ZC3H12B: variants seen among roughly 807,000 people sequenced by gnomAD.
ZC3H12B encodes the protein probable ribonuclease ZC3H12B.
ZC3H12B carries 7 observed loss-of-function variants against 43.9 expected under a neutral mutation model. That is an observed-to-expected ratio of 0.16 (90% CI 0.09 to 0.30). ZC3H12B has a LOEUF of 0.30. ZC3H12B is among the 10% of genes least tolerant of loss of function. The probability of loss-of-function intolerance (pLI) is 1.00; values close to 1 mark genes in which losing one functional copy is unlikely to be tolerated. For synonymous variants in ZC3H12B, 222 were observed against 241.7 expected (o/e 0.92, Z 0.76); for missense variants, 475 against 670.2 (o/e 0.71, Z 3.22).
At chrX:65,269,671 T>C in the ZC3H12B span, among the ~76,000 whole-genome samples, 5 of 109,709 alleles carry the variant, frequency 4.6e-5, no homozygotes, top group Non-Finnish European at 5.7e-5. Flanking sequence ...GGCTTTTTTT[T>C]TCTTCTTTTG....
At chrX:65,358,866 G>T in the ZC3H12B span, among the ~76,000 whole-genome samples, 2 of 111,993 alleles carry the variant, frequency 1.8e-5, no homozygotes. Context: ...TGTACTGAAA[G>T]AAGCTGCCAC....
chrX:65,291,386 G>A, the ZC3H12B span, among the ~76,000 whole-genome samples: 4 of 112,024 alleles, frequency 3.6e-5, no homozygotes, highest in East Asian at 1.1e-3. Context: ...CCAAGATGTG[G>A]AAACTTTTAA....
the ZC3H12B span, among the ~76,000 whole-genome samples, chrX:65,314,195 G>T: frequency 1.8e-5 from 2 of 110,735 alleles, no homozygotes; most frequent in Non-Finnish European, 3.8e-5. Flanking sequence ...TCTAATGTTG[G>T]TATTAATTGA....
the ZC3H12B span, among the ~76,000 whole-genome samples, chrX:65,189,605 G>A: frequency 1.9e-5 from 2 of 103,716 alleles, no homozygotes; most frequent in South Asian, 4.3e-4. Context: ...CTTTTGAGAA[G>A]TGTCTGTTCA....
the ZC3H12B span, among the ~76,000 whole-genome samples, chrX:65,196,522 A>C: frequency 1.2e-4 from 13 of 111,541 alleles, no homozygotes; most frequent in Admixed American, 7.7e-4. Flanking sequence ...CATCAGTTTC[A>C]CAGGCTCAAT....
At chrX:65,211,728 G>T in the ZC3H12B span, among the ~76,000 whole-genome samples, 1 of 80,775 alleles carries the variant, frequency 1.2e-5, no homozygotes, top group African/African-American at 4.7e-5. Flanking sequence ...ATATTTTTAT[G>T]TAATAATATA....
At chrX:65,213,385 CTG>C in the ZC3H12B span, among the ~76,000 whole-genome samples, 7 of 111,292 alleles carry the variant, frequency 6.3e-5, no homozygotes, top group Admixed American at 9.7e-5. Flanking sequence ...TCCCAATACT[CTG>C]TGAAAATTTC....
chrX:65,469,212 C>G (rs2067871462), intron 3 of ZC3H12B: 1 of 224,697 alleles, frequency 4.5e-6, no homozygotes, highest in Non-Finnish European at 8.6e-6. Context: ...GTACACCACA[C>G]AGCAGAGCAA....
chrX:65,493,562 G>C (rs916955493), intron 1 of ZC3H12B, among the ~76,000 whole-genome samples: 108 of 111,410 alleles, frequency 9.7e-4, no homozygotes, highest in African/African-American at 3.4e-3. Flanking sequence ...GAGGAATTAA[G>C]GCTTTGAAAT....
At chrX:65,098,834 GT>G in the ZC3H12B span, among the ~76,000 whole-genome samples, 71 of 108,000 alleles carry the variant, frequency 6.6e-4, no homozygotes, top group South Asian at 0.013. Flanking sequence ...GCTAGCTGCA[GT>G]TTTTTTTTTC....
chrX:65,391,067 T>A (rs958428102), intron 2 of ZC3H12B, among the ~76,000 whole-genome samples: 6 of 111,789 alleles, frequency 5.4e-5, no homozygotes, highest in Admixed American at 9.5e-5. Context: ...CACCTGAAGA[T>A]GTGCAAGTCA....
the ZC3H12B span, among the ~76,000 whole-genome samples, chrX:65,209,586 G>A: frequency 4.7e-5 from 5 of 106,712 alleles, no homozygotes; most frequent in Admixed American, 1.0e-4. Flanking sequence ...GCTGAGGAGA[G>A]CTTTACTTCC....
chrX:65,408,063 C>T lies in ZC3H12B; in HGVS notation n.407+9359C>T, dbSNP rs1427924847. The T allele has an allele frequency of 7.6e-6, 9 of 1,177,069 alleles. No individual in the cohort carries two copies. The East Asian group carries it at 1.5e-4, about 20-fold the overall frequency. On this transcript the variant is annotated intron_variant and non_coding_transcript_variant, in intron 3 of 5. Coordinates refer to the ZC3H12B transcript ENST00000617377. Reference sequence around the variant, plus strand: ...AGAATTGAGTTGCCGGGGAACAGAGCCCCGGCCGCCGCCAGCGCGATGTTC... The same window carrying T: ...AGAATTGAGTTGCCGGGGAACAGAGTCCCGGCCGCCGCCAGCGCGATGTTC...
the ZC3H12B span, among the ~76,000 whole-genome samples, chrX:65,348,774 G>A: frequency 3.7e-5 from 4 of 109,550 alleles, no homozygotes; most frequent in Non-Finnish European, 7.6e-5. Context: ...GGAAAAAGAA[G>A]AGCATTATAT....
intron 3 of ZC3H12B, among the ~76,000 whole-genome samples, chrX:65,416,455 A>G (rs1375738673): frequency 9.0e-6 from 1 of 110,838 alleles, no homozygotes; most frequent in African/African-American, 3.3e-5. Flanking sequence ...TCCCCAGAAC[A>G]GTAGCATCAA....
chrX:65,369,053 A>T (rs2147977494), intron 2 of ZC3H12B, 55 bp downstream of exon 4: 1 of 111,916 alleles, frequency 8.9e-6, no homozygotes, highest in East Asian at 2.8e-4. Context: ...GAAAGAGTAA[A>T]CTATAGTGAG....
At chrX:65,381,910 G>C (rs1341224573) in intron 2 of ZC3H12B, among the ~76,000 whole-genome samples, 1 of 111,857 alleles carries the variant, frequency 8.9e-6, no homozygotes, top group African/African-American at 3.3e-5. Flanking sequence ...CCAGGAAGAA[G>C]TTGAATCTCT....
chrX:65,115,389 AT>A, the ZC3H12B span, among the ~76,000 whole-genome samples: 1 of 105,465 alleles, frequency 9.5e-6, no homozygotes, highest in Admixed American at 1.0e-4. Flanking sequence ...TATTTCATTC[AT>A]TTTTTTTTTG....
chrX:65,402,182 C>G (rs887622388), intron 3 of ZC3H12B, among the ~76,000 whole-genome samples: 4 of 111,857 alleles, frequency 3.6e-5, no homozygotes, highest in Non-Finnish European at 7.5e-5. Context: ...TCTGGCAGAA[C>G]TCCTCATGGC....
Sources: allele counts gnomAD v4.1 joint callset (sites outside exome capture counted in the v4.1 genomes callset), GRCh38; gene constraint gnomAD v4.1.1; transcripts MANE v1.5; gene names NCBI Gene and HGNC (gene_info 2026-07-23, HGNC 2026-07-21).